The following HDAC9 variants were observed in gnomAD, a reference collection of about 807,000 sequenced individuals.
HDAC9 encodes the protein MEF-2 interacting transcription repressor (MITR) protein.
HDAC9 carries 41 observed loss-of-function variants against 139.4 expected under a neutral mutation model. That is an observed-to-expected ratio of 0.29 (90% CI 0.23 to 0.38). The LOEUF is 0.38. HDAC9 is among the 10% of genes least tolerant of loss of function. HDAC9 has a pLI of 1.00. For synonymous variants in HDAC9, 517 were observed against 476.2 expected (o/e 1.09, Z -1.12); for missense variants, 1,147 against 1,297.0 (o/e 0.88, Z 1.78).
At chr7:18,352,248 C>T (rs615545) in intron 1 of HDAC9, among the ~76,000 whole-genome samples, 51,841 of 151,874 alleles carry the variant, frequency 0.34, 9,316 homozygotes, top group East Asian at 0.45. Flanking sequence ...GCCCTCCAAC[C>T]AAAAATATTA....
At chr7:18,734,011 A>G (rs1786647560) in intron 13 of HDAC9, among the ~76,000 whole-genome samples, 1 of 152,146 alleles carries the variant, frequency 6.6e-6, no homozygotes, top group African/African-American at 2.4e-5. Context: ...TTTTCTACTT[A>G]CGGAAATATC....
chr7:18,585,308 G>A lies in HDAC9; in HGVS notation c.50G>A (p.Gly17Asp). ...SVDVKSEVPV[G>D]LEPISPLDLR... The stretch of plus-strand genomic sequence containing the variant: ...GATGTGAAGTCAGAAGTTCCTGTGG[G>A]CCTGGAGCCCATCTCACCTTTAGAC... Residue 17 changes from glycine to aspartate, a missense_variant, in exon 3 of 26, where the codon GGC becomes GAC. Physicochemically the swap from Gly to Asp is moderately conservative, Grantham distance 94 (BLOSUM62 -1). Around this residue, in one of 7 missense-constraint regions of HDAC9, gnomAD observed 136 missense variants for 183.5 expected, o/e 0.74. Coordinates refer to ENST00000686413, the MANE Select transcript of HDAC9 (RefSeq NM_178425.4). The A allele has an allele frequency of 4.3e-6, 7 of 1,613,750 alleles. No homozygotes were observed. The highest frequency in any genetic ancestry group is 5.1e-6 in the Non-Finnish European group (6 of 1,179,854).
At chr7:18,885,356 A>G (rs967012097) in intron 22 of HDAC9, among the ~76,000 whole-genome samples, 1 of 152,224 alleles carries the variant, frequency 6.6e-6, no homozygotes, top group African/African-American at 2.4e-5. Context: ...AACGTTTTCC[A>G]TGCACTAGGC....
intron 22 of HDAC9, among the ~76,000 whole-genome samples, chr7:18,927,725 T>G (rs1414333010): frequency 1.3e-5 from 2 of 152,188 alleles, no homozygotes; most frequent in African/African-American, 4.8e-5. Context: ...GTAGTGAGAC[T>G]TTTTAGCCAT....
chr7:18,501,424 A>G (rs1478037584), intron 2 of HDAC9, among the ~76,000 whole-genome samples: 2 of 152,160 alleles, frequency 1.3e-5, no homozygotes, highest in Non-Finnish European at 2.9e-5. Flanking sequence ...ACTGATTTTT[A>G]AAAATAGTTT....
In HDAC9 at chr7:18,863,914, A is replaced by G. The variant is rs557155249; in HGVS notation, c.2685-10564A>G. On this transcript the variant is annotated intron_variant, in intron 21 of 25. Coordinates refer to ENST00000686413, the MANE Select transcript of HDAC9 (RefSeq NM_178425.4). Reference sequence around the variant, plus strand: ...GTGTGAAATCTCCATGGCCACTGTGAGTACTGCTACAATGAGCATGGGAGT... The same window carrying G: ...GTGTGAAATCTCCATGGCCACTGTGGGTACTGCTACAATGAGCATGGGAGT... Among the ~76,000 whole-genome samples, 10 of 152,340 alleles carry G rather than the reference A, an allele frequency of 6.6e-5. No homozygotes were observed. The South Asian group carries it at 2.1e-3, about 32-fold the overall frequency.
At chr7:18,544,472 G>A (rs185285698) in intron 2 of HDAC9, among the ~76,000 whole-genome samples, 387 of 152,294 alleles carry the variant, frequency 2.5e-3, no homozygotes, top group Non-Finnish European at 4.2e-3. Context: ...CAGTGTTTAG[G>A]AAAAGGGTCA....
chr7:18,496,421 G>A, intron 2 of HDAC9, 97 bp downstream of exon 2: 1 of 1,044,674 alleles, frequency 9.6e-7, no homozygotes, highest in Non-Finnish European at 1.5e-6. Context: ...GGAAATTGCT[G>A]CTTTTTCGTG....
chr7:18,651,104 A>G (rs190837700), intron 11 of HDAC9, among the ~76,000 whole-genome samples: 2 of 152,174 alleles, frequency 1.3e-5, no homozygotes, highest in African/African-American at 4.8e-5. Flanking sequence ...CCGTGACGTG[A>G]CAAGGATGTT....
chr7:18,901,271 T>C (rs1022803635), intron 22 of HDAC9, among the ~76,000 whole-genome samples: 3 of 149,380 alleles, frequency 2.0e-5, no homozygotes, highest in African/African-American at 7.3e-5. Flanking sequence ...CATATATATA[T>C]ATATAAAATT....
At chr7:18,183,155 G>A (rs965153338) in intron 2 of HDAC9, among the ~76,000 whole-genome samples, 9 of 151,998 alleles carry the variant, frequency 5.9e-5, no homozygotes, top group Admixed American at 1.3e-4. Context: ...GACTACAGGT[G>A]CCTGCCACCA....
At chr7:18,479,963 A>G (rs931076061) in intron 1 of HDAC9, among the ~76,000 whole-genome samples, 1 of 129,342 alleles carries the variant, frequency 7.7e-6, no homozygotes, top group Non-Finnish European at 1.7e-5. Flanking sequence ...TTTCTCCTTT[A>G]TTTTATAAAT....
At chr7:18,346,635 A>G (rs1434698860) in intron 1 of HDAC9, among the ~76,000 whole-genome samples, 1 of 152,156 alleles carries the variant, frequency 6.6e-6, no homozygotes, top group Non-Finnish European at 1.5e-5. Flanking sequence ...TTTTTAGTAA[A>G]TATACTCTCA....
intron 12 of HDAC9, among the ~76,000 whole-genome samples, chr7:18,720,165 T>C (rs1320532664): frequency 6.6e-6 from 1 of 152,176 alleles, no homozygotes; most frequent in Non-Finnish European, 1.5e-5. Flanking sequence ...TCTATCCATA[T>C]ATCAAATACT....
At chr7:18,154,224 G>A (rs1787002148) in intron 1 of HDAC9, among the ~76,000 whole-genome samples, 1 of 151,960 alleles carries the variant, frequency 6.6e-6, no homozygotes, top group African/African-American at 2.4e-5. Context: ...TAACACGAGT[G>A]AAAGATTAAA....
intron 23 of HDAC9, among the ~76,000 whole-genome samples, chr7:18,946,479 C>T (rs1436660746): frequency 6.6e-6 from 1 of 151,912 alleles, no homozygotes; most frequent in Non-Finnish European, 1.5e-5. Context: ...AATTTATCCA[C>T]AAGAACTAAC....
intron 7 of HDAC9, among the ~76,000 whole-genome samples, chr7:18,633,796 A>G (rs1189612787): frequency 6.6e-6 from 1 of 152,094 alleles, no homozygotes; most frequent in Admixed American, 6.6e-5. Flanking sequence ...TTCTCTAGCT[A>G]TATTTCTAGG....
chr7:18,347,859 G>A (rs1239734568), intron 1 of HDAC9, among the ~76,000 whole-genome samples: 1 of 152,122 alleles, frequency 6.6e-6, no homozygotes, highest in East Asian at 1.9e-4. Flanking sequence ...TAACAGGCAC[G>A]AGCCACTGCA....
At chr7:18,886,096 G>A (rs955414631) in intron 22 of HDAC9, among the ~76,000 whole-genome samples, 1 of 152,202 alleles carries the variant, frequency 6.6e-6, no homozygotes, top group Non-Finnish European at 1.5e-5. Context: ...ACAAATTTGA[G>A]AATGATTTTA....
Sources: gnomAD v4.1 joint callset for allele counts (sites outside exome capture counted in the v4.1 genomes callset) on GRCh38, gnomAD v4.1.1 for gene constraint, gnomAD v4.1.1 regional missense constraint, MANE v1.5 for transcripts, NCBI Gene and HGNC (gene_info 2026-07-23, HGNC 2026-07-21) for gene names.